The following C21orf58 variants were observed in gnomAD, a reference collection of about 807,000 sequenced individuals.
C21orf58 encodes the protein chromosome 21 open reading frame 58.
In C21orf58, 34 loss-of-function variants were observed where a neutral mutation model predicts 35.8. The ratio of observed to expected loss-of-function variants is 0.95; its 90% CI spans 0.72 to 1.26. The LOEUF (loss-of-function observed/expected upper bound fraction) is 1.26, where lower values mean the gene tolerates loss of function less well. Ranked by LOEUF, C21orf58 falls within the 50% of genes most tolerant of loss-of-function variation. C21orf58 has a pLI of 0.00. For synonymous variants in C21orf58, 191 were observed against 175.8 expected (o/e 1.09, Z -0.68); for missense variants, 440 against 414.3 (o/e 1.06, Z -0.54).
rs1261153920 is a variant in C21orf58 at position 46,323,201 on chromosome 21, C to T, written c.-463G>A. Reference sequence around the variant, plus strand: ...GCCACAGGTCACAGGCGGTGCGGACCCCGGGACTGTGTCCGGGCTTCGGTG... The same window carrying T: ...GCCACAGGTCACAGGCGGTGCGGACTCCGGGACTGTGTCCGGGCTTCGGTG... On this transcript the variant is annotated 5_prime_UTR_variant, in exon 1 of 8. Coordinates refer to ENST00000291691, the MANE Select transcript of C21orf58 (RefSeq NM_058180.5). 6.6e-6 allele frequency: 1 copy of T among 152,470 alleles called. No individual in the cohort carries two copies. Among genetic ancestry groups the T allele is most frequent in the Non-Finnish European group, 1.5e-5 (1 of 68,218 alleles). 9.4% of individuals were successfully genotyped at this position (152,470 alleles called of 1,614,324 possible). A position where few individuals can be genotyped will look rare whatever the true frequency, so the allele number is the denominator to read the frequency against.
intron 1 of C21orf58, among the ~76,000 whole-genome samples, chr21:46,322,170 C>G (rs112630166): frequency 2.6e-4 from 39 of 152,138 alleles, no homozygotes; most frequent in African/African-American, 9.4e-4. Context: ...GCCTGTAATT[C>G]CAGCTGCTCA....
chr21:46,302,451 C>T, intron 7 of C21orf58, 34 bp downstream of exon 7: 1 of 1,526,612 alleles, frequency 6.6e-7, no homozygotes, highest in Non-Finnish European at 9.0e-7. Flanking sequence ...GCCCTGTTTC[C>T]TTGGCCTAGG....
In C21orf58 at chr21:46,318,112, C is replaced by T; in HGVS notation, c.209G>A (p.Trp70Ter). Residue 70 changes from tryptophan to a stop codon, truncating the protein, a stop_gained, in exon 2 of 8, where the codon TGG becomes TAG. Coordinates refer to ENST00000291691, the MANE Select transcript of C21orf58 (RefSeq NM_058180.5). LOFTEE classifies it high-confidence loss of function. ...SNRTREGGGLWPPLPLQSSPA... is the reference protein window; with the variant it reads ...SNRTREGGGL ...AGACGACTGTAGGGGCAGGGGAGGCCACAGCCCACCTCCCTCCCTGGTTCT... is the reference window on the plus strand; with the variant it reads ...AGACGACTGTAGGGGCAGGGGAGGCTACAGCCCACCTCCCTCCCTGGTTCT... 6.2e-7 allele frequency: 1 copy of T among 1,613,156 alleles called. No individual in the cohort carries two copies. The highest frequency in any genetic ancestry group is 8.5e-7 in the Non-Finnish European group (1 of 1,179,996).
intron 1 of C21orf58, among the ~76,000 whole-genome samples, chr21:46,321,295 A>G (rs928330519): frequency 6.6e-6 from 1 of 152,112 alleles, no homozygotes; most frequent in Non-Finnish European, 1.5e-5. Context: ...CAGCCTCTCG[A>G]GTAGCTGGGA....
chr21:46,318,822 C>T, intron 1 of C21orf58: 1 of 987,268 alleles, frequency 1.0e-6, no homozygotes, highest in Non-Finnish European at 1.2e-6. Flanking sequence ...GTCAAGTTTG[C>T]AGGAAGCTTC....
intron 6 of C21orf58, among the ~76,000 whole-genome samples, chr21:46,304,291 A>G (rs2082318289): frequency 6.6e-6 from 1 of 151,996 alleles, no homozygotes; most frequent in Non-Finnish European, 1.5e-5. Flanking sequence ...CGGCCTCCCA[A>G]AGTGATGGGA....
chr21:46,308,518 A>G (rs2145982129), intron 6 of C21orf58, among the ~76,000 whole-genome samples: 1 of 152,280 alleles, frequency 6.6e-6, no homozygotes, highest in South Asian at 2.1e-4. Flanking sequence ...GTATTTACCC[A>G]AGAGAAATGA....
chr21:46,323,857 A>T lies in C21orf58; in HGVS notation c.-1119T>A, dbSNP rs2083260925. The T allele has an allele frequency of 5.4e-6, 2 of 369,284 alleles. No individual in the cohort carries two copies. The highest frequency in any genetic ancestry group is 5.1e-6 in the Non-Finnish European group (1 of 194,476). The allele number at this position is 369,284 out of a possible 1,614,324, so 22.9% of individuals were successfully genotyped here. A position where few individuals can be genotyped will look rare whatever the true frequency, so the allele number is the denominator to read the frequency against. On this transcript the variant is annotated 5_prime_UTR_variant, in exon 1 of 8. Coordinates refer to ENST00000291691, the MANE Select transcript of C21orf58 (RefSeq NM_058180.5). ...CAGGGGCCGCCCGCGCGGGACCAGC[A>T]GCGCGAACTTTTTGCCGCTCGGCCA...
At chr21:46,312,257 G>T (rs1569129346) in intron 5 of C21orf58, among the ~76,000 whole-genome samples, 2 of 152,126 alleles carry the variant, frequency 1.3e-5, no homozygotes, top group South Asian at 4.1e-4. Context: ...TCTTTAGCGG[G>T]GTGGGCTGAG....
chr21:46,311,682 C>CCCAT (rs2082700933), intron 5 of C21orf58, 115 bp from the exon 6 acceptor site: 2 of 513,558 alleles, frequency 3.9e-6, no homozygotes, highest in East Asian at 3.3e-5. Context: ...CAACCATCCA[C>CCCAT]CCATCCATCC....
At chr21:46,308,103 C>CCTA (rs2082503854) in intron 6 of C21orf58, among the ~76,000 whole-genome samples, 1 of 152,060 alleles carries the variant, frequency 6.6e-6, no homozygotes, top group Non-Finnish European at 1.5e-5. Flanking sequence ...AAGTGATTCT[C>CCTA]CTACCTCAGC....
Position 46,314,897 on chromosome 21 carries a change from G to C in C21orf58, c.445-17C>G, listed in dbSNP as rs1014276748. On this transcript the variant is annotated splice_polypyrimidine_tract_variant and intron_variant, in intron 4 of 7. Coordinates refer to ENST00000291691, the MANE Select transcript of C21orf58 (RefSeq NM_058180.5). ...GTGTTGTTCCTGCAAGGCCGATGCAGAGCTGCTGCACACGGGGACGGGGAG... is the reference window on the plus strand; with the variant it reads ...GTGTTGTTCCTGCAAGGCCGATGCACAGCTGCTGCACACGGGGACGGGGAG... 1 of 1,550,356 alleles carries C rather than the reference G, an allele frequency of 6.5e-7. No homozygotes were observed. Among genetic ancestry groups the C allele is most frequent in the Non-Finnish European group, 8.7e-7 (1 of 1,146,964 alleles).
intron 6 of C21orf58, among the ~76,000 whole-genome samples, chr21:46,305,327 C>CTTT (rs35138310): frequency 6.9e-4 from 75 of 109,148 alleles, no homozygotes; most frequent in Non-Finnish European, 1.0e-3. Context: ...ACAAATTAAT[C>CTTT]TTTTTTTTTT....
At chr21:46,305,563 C>G (rs1305360032) in intron 6 of C21orf58, among the ~76,000 whole-genome samples, 2 of 151,972 alleles carry the variant, frequency 1.3e-5, no homozygotes, top group Non-Finnish European at 2.9e-5. Context: ...CTCCTAGGCT[C>G]AAGTGATCCT....
intron 6 of C21orf58, among the ~76,000 whole-genome samples, chr21:46,307,084 C>T (rs912039129): frequency 2.0e-5 from 3 of 150,688 alleles, no homozygotes; most frequent in African/African-American, 2.4e-5. Flanking sequence ...TTAGTAGACA[C>T]GGGATTTCAC....
intron 5 of C21orf58, 69 bp from the exon 6 acceptor site, chr21:46,311,636 C>T: frequency 1.2e-6 from 1 of 857,960 alleles, no homozygotes; most frequent in African/African-American, 1.7e-5. Context: ...ATCTACCACC[C>T]ATCCATCCAC....
Position 46,317,246 on chromosome 21 carries a change from T to A in C21orf58, c.332A>T (p.Asn111Ile), listed in dbSNP as rs375920891. 14 of 1,611,936 alleles carry A rather than the reference T, an allele frequency of 8.7e-6. 1 individual carries two copies. The highest frequency in any genetic ancestry group is 3.3e-4 in the Middle Eastern group (2 of 6,080). ...GAGGCCCTCAGGTCCCCCTTCCACG[T>A]TCTGCCGTTCTTGCTCCAGCTTCTG... ...LGQKLEQERQ[N>I]VEGGPEGLHL... Residue 111 changes from asparagine to isoleucine, a missense_variant, in exon 3 of 8, where the codon AAC becomes ATC. Asn to Ile is a moderately radical substitution (Grantham distance 149). Coordinates refer to ENST00000291691, the MANE Select transcript of C21orf58 (RefSeq NM_058180.5).
intron 6 of C21orf58, among the ~76,000 whole-genome samples, chr21:46,308,591 G>T (rs2082531250): frequency 6.6e-6 from 1 of 152,146 alleles, no homozygotes; most frequent in South Asian, 2.1e-4. Flanking sequence ...GGCCATAAGC[G>T]AAAACAAGAA....
intron 6 of C21orf58, 64 bp downstream of exon 6, chr21:46,311,392 G>C (rs1354239837): frequency 1.0e-6 from 1 of 967,862 alleles, no homozygotes; most frequent in African/African-American, 1.6e-5. Context: ...CTGCTTCCAG[G>C]AACATTTTCC....
Sources: allele counts gnomAD v4.1 joint callset (sites outside exome capture counted in the v4.1 genomes callset), GRCh38; gene constraint gnomAD v4.1.1; transcripts MANE v1.5; gene names NCBI Gene and HGNC (gene_info 2026-07-23, HGNC 2026-07-21).